ZBED6: variants seen among roughly 807,000 people sequenced by gnomAD.
ZBED6 encodes the protein zinc finger BED-type containing 6, also known as zinc finger BED domain-containing protein 6.
ZBED6 carries 40 observed loss-of-function variants against 58.4 expected under a neutral mutation model. The ratio of observed to expected loss-of-function variants is 0.68; its 90% CI spans 0.53 to 0.89. The LOEUF (loss-of-function observed/expected upper bound fraction) is 0.89. ZBED6 is among the 40% of genes least tolerant of loss of function. ZBED6 has a pLI of 0.00. For synonymous variants in ZBED6, 439 were observed against 350.6 expected (o/e 1.25, Z -2.82); for missense variants, 1,057 against 1,003.9 (o/e 1.05, Z -0.71).
chr1:203,796,831 C>T (rs1668676650), exon 1 of ZBED6: 1 of 171,186 alleles, frequency 5.8e-6, no homozygotes, highest in African/African-American at 2.4e-5. Context: ...AAATTTTTTT[C>T]TCAAAGCATT....
At chr1:203,812,891 C>T (rs936154997) in intron 1 of ZBED6, among the ~76,000 whole-genome samples, 2 of 152,040 alleles carry the variant, frequency 1.3e-5, no homozygotes, top group African/African-American at 2.4e-5. Flanking sequence ...TGGATTTTAG[C>T]CATTAGAAAA....
chr1:203,845,420 T>C (rs1237918199), intron 11 of ZBED6, among the ~76,000 whole-genome samples: 1 of 152,240 alleles, frequency 6.6e-6, no homozygotes, highest in Admixed American at 6.5e-5. Flanking sequence ...AAGTGAGTGC[T>C]TCCTTTGCAA....
At chr1:203,813,138 T>C (rs1462162284) in intron 1 of ZBED6, among the ~76,000 whole-genome samples, 1 of 152,192 alleles carries the variant, frequency 6.6e-6, no homozygotes, top group Admixed American at 6.5e-5. Context: ...CTTAAGCTTC[T>C]TAACAGAGCT....
At chr1:203,838,471 A>C (rs1211906056) in intron 10 of ZBED6, among the ~76,000 whole-genome samples, 1 of 152,248 alleles carries the variant, frequency 6.6e-6, no homozygotes, top group Non-Finnish European at 1.5e-5. Context: ...TTCGAGAGCC[A>C]GAGACTGTGT....
chr1:203,835,120 G>A (rs950396415), intron 9 of ZBED6, among the ~76,000 whole-genome samples: 2 of 152,228 alleles, frequency 1.3e-5, no homozygotes, highest in Non-Finnish European at 2.9e-5. Context: ...CAGACAGTGA[G>A]AGATGGGAAT....
At chr1:203,821,779 A>T (rs1389150939) in intron 3 of ZBED6, among the ~76,000 whole-genome samples, 1 of 149,456 alleles carries the variant, frequency 6.7e-6, no homozygotes, top group Non-Finnish European at 1.5e-5. Context: ...TTTTTTTGAG[A>T]CGGAGTCTTG....
At chr1:203,798,264 C>T in exon 1 of ZBED6, 1 of 1,536,122 alleles carries the variant, frequency 6.5e-7, no homozygotes, top group South Asian at 1.2e-5. Flanking sequence ...AGGGAGATTT[C>T]TCATCAAAAG....
At position 203,809,301 on chromosome 1, in the gene ZBED6, G is replaced by A. The variant is rs544588846; in HGVS notation, c.*2554+6285G>A. 4.1e-5 allele frequency among the ~76,000 whole-genome samples: 6 copies of A among 145,036 alleles called. No individual in the cohort carries two copies. In the South Asian group the frequency reaches 1.4e-3, roughly 33 times the overall value. ...AGCGATTCTTCTGCCTCAGCCTCCC[G>A]AGTAACTGGGACAACAGGCGCACAC... On this transcript the variant is annotated intron_variant, in intron 1 of 16. Coordinates refer to ENST00000550078, the Ensembl canonical transcript of ZBED6.
chr1:203,836,144 C>T (rs1245707327), intron 9 of ZBED6, among the ~76,000 whole-genome samples: 2 of 152,096 alleles, frequency 1.3e-5, no homozygotes, highest in East Asian at 3.9e-4. Context: ...GCTGCGTGGG[C>T]AGCTGAGGTT....
At chr1:203,798,125 G>A in exon 1 of ZBED6, 2 of 1,536,104 alleles carry the variant, frequency 1.3e-6, no homozygotes, top group Non-Finnish European at 1.7e-6. Context: ...ACTTTACCTT[G>A]GATGTGTCTT....
chr1:203,850,368 T>G, intron 14 of ZBED6, 147 bp from the exon 15 acceptor site: 1 of 1,207,144 alleles, frequency 8.3e-7, no homozygotes, highest in Non-Finnish European at 1.2e-6. Context: ...GACCACAAAT[T>G]GCCTTTGAAT....
chr1:203,839,344 G>A (rs754294733), intron 10 of ZBED6, among the ~76,000 whole-genome samples: 2 of 152,118 alleles, frequency 1.3e-5, no homozygotes, highest in African/African-American at 2.4e-5. Flanking sequence ...GCCCCTCAGG[G>A]AATTAGAATT....
At chr1:203,829,471 G>C in exon 5 of ZBED6, 1 of 1,613,976 alleles carries the variant, frequency 6.2e-7, no homozygotes, top group Non-Finnish European at 8.5e-7. Context: ...CACTGTGCCT[G>C]AGTCACCAGA....
At chr1:203,821,414 C>T (rs574751934) in intron 3 of ZBED6, among the ~76,000 whole-genome samples, 2 of 152,128 alleles carry the variant, frequency 1.3e-5, no homozygotes, top group African/African-American at 4.8e-5. Flanking sequence ...GTGTCGTACT[C>T]TGTTACTATC....
At chr1:203,803,549 G>A (rs1327624399) in intron 1 of ZBED6, among the ~76,000 whole-genome samples, 5 of 152,180 alleles carry the variant, frequency 3.3e-5, no homozygotes, top group African/African-American at 1.2e-4. Context: ...GGTAAAAACA[G>A]CATAGCCAAA....
chr1:203,827,621 G>T (rs992687460), intron 3 of ZBED6, among the ~76,000 whole-genome samples: 5 of 151,634 alleles, frequency 3.3e-5, no homozygotes, highest in Admixed American at 2.0e-4. Flanking sequence ...GGCGGAGCTT[G>T]CAGTGAGCGG....
intron 3 of ZBED6, among the ~76,000 whole-genome samples, chr1:203,824,739 T>TGTA (rs977455292): frequency 6.6e-6 from 1 of 152,126 alleles, no homozygotes; most frequent in Non-Finnish European, 1.5e-5. Context: ...TCAAGTGCTT[T>TGTA]GTAGTGTTGC....
At chr1:203,848,860 C>T (rs1191629381) in intron 13 of ZBED6, among the ~76,000 whole-genome samples, 2 of 152,038 alleles carry the variant, frequency 1.3e-5, no homozygotes, top group East Asian at 1.9e-4. Flanking sequence ...AAATATACAG[C>T]TCAGATGTAA....
At chr1:203,827,444 G>A (rs1680897887) in intron 3 of ZBED6, among the ~76,000 whole-genome samples, 1 of 151,646 alleles carries the variant, frequency 6.6e-6, no homozygotes, top group Non-Finnish European at 1.5e-5. Context: ...ACTTTGGGAG[G>A]CTGAGGCGGG....
Sources: gnomAD v4.1 joint callset for allele counts (sites outside exome capture counted in the v4.1 genomes callset) on GRCh38, gnomAD v4.1.1 for gene constraint, MANE v1.5 for transcripts, NCBI Gene and HGNC (gene_info 2026-07-23, HGNC 2026-07-21) for gene names.